GPHN: variants seen among roughly 807,000 people sequenced by gnomAD.
GPHN encodes gephyrin.
A neutral mutation model predicts 95.5 loss-of-function variants in GPHN; 17 were observed. That is an observed-to-expected ratio of 0.18 (90% CI 0.12 to 0.27). The LOEUF is 0.27. GPHN is among the 10% of genes least tolerant of loss of function. The probability of loss-of-function intolerance (pLI) is 1.00; values close to 1 mark genes in which losing one functional copy is unlikely to be tolerated. For missense variants in GPHN, 660 were observed against 978.1 expected, an observed-to-expected ratio of 0.67 and a Z score of 4.34; for synonymous variants, 320 against 322.5, an observed-to-expected ratio of 0.99 and a Z score of 0.08.
chr14:66,687,260 C>T (rs1402222900), intron 2 of GPHN, among the ~76,000 whole-genome samples: 2 of 152,032 alleles, frequency 1.3e-5, no homozygotes, highest in African/African-American at 4.8e-5. Flanking sequence ...ACCAAGAAGA[C>T]CTAATAGACA....
At position 66,759,596 on chromosome 14, in the gene GPHN, TCTTTA is replaced by T. The variant is rs2058689254; in HGVS notation, c.144-16862_144-16858del. Reference sequence around the variant, plus strand: ...TCCATTTGCATAGTATTTCTCCAGCTCTTTACTTTAAGCCTGTTGGTGTAACGTGA... The same window carrying T: ...TCCATTTGCATAGTATTTCTCCAGCTCTTTAAGCCTGTTGGTGTAACGTGA... On this transcript the variant is annotated intron_variant, in intron 2 of 22. Transcript: ENST00000478722. Among the ~76,000 whole-genome samples, 4 of 152,358 alleles carry T rather than the reference TCTTTA, an allele frequency of 2.6e-5. No homozygotes were observed. In the South Asian group the frequency reaches 8.3e-4, roughly 32 times the overall value.
chr14:67,340,726 C>G, the GPHN span, among the ~76,000 whole-genome samples: 1 of 152,180 alleles, frequency 6.6e-6, no homozygotes, highest in Non-Finnish European at 1.5e-5. Context: ...GATGCCGAGC[C>G]GAAGCTGGAC....
intron 17 of GPHN, among the ~76,000 whole-genome samples, chr14:67,139,844 T>C (rs892751031): frequency 2.0e-5 from 3 of 152,060 alleles, no homozygotes; most frequent in Non-Finnish European, 2.9e-5. Context: ...CCCAAATAAC[T>C]GGCCCAGCAG....
At chr14:67,618,060 A>G in the GPHN span, among the ~76,000 whole-genome samples, 13 of 152,244 alleles carry the variant, frequency 8.5e-5, no homozygotes, top group Non-Finnish European at 1.9e-4. Context: ...GCCCTGAGGC[A>G]ACCTGTGCCA....
At chr14:67,245,581 G>A in the GPHN span, among the ~76,000 whole-genome samples, 7 of 151,812 alleles carry the variant, frequency 4.6e-5, no homozygotes, top group Non-Finnish European at 7.4e-5. Flanking sequence ...AGAACTCCTG[G>A]GCTCAAGTGA....
At chr14:67,109,037 A>G (rs1163348643) in intron 13 of GPHN, among the ~76,000 whole-genome samples, 3 of 152,194 alleles carry the variant, frequency 2.0e-5, no homozygotes, top group African/African-American at 7.2e-5. Context: ...CCTAGCCTAC[A>G]TGGTGTGACC....
At chr14:66,540,385 A>G (rs928370451) in intron 1 of GPHN, among the ~76,000 whole-genome samples, 21 of 152,226 alleles carry the variant, frequency 1.4e-4, no homozygotes, top group African/African-American at 4.8e-4. Context: ...TGTCAGTTAC[A>G]TAGGAACAGG....
intron 17 of GPHN, among the ~76,000 whole-genome samples, chr14:67,124,117 G>C (rs1567366824): frequency 6.6e-6 from 1 of 152,072 alleles, no homozygotes; most frequent in Non-Finnish European, 1.5e-5. Flanking sequence ...TAGCTCTAAA[G>C]AAGTTTGGCC....
At chr14:67,640,171 C>T in the GPHN span, among the ~76,000 whole-genome samples, 7 of 152,048 alleles carry the variant, frequency 4.6e-5, no homozygotes, top group South Asian at 1.5e-3. Flanking sequence ...TATCTTGGTT[C>T]ACAATGTCTT....
chr14:67,360,332 G>A, the GPHN span: 3 of 397,832 alleles, frequency 7.5e-6, no homozygotes, highest in Non-Finnish European at 1.3e-5. Flanking sequence ...TTCCGCATGC[G>A]CGGTGGAGTG....
chr14:66,979,480 G>T (rs1025228531), intron 9 of GPHN, among the ~76,000 whole-genome samples: 3 of 152,128 alleles, frequency 2.0e-5, no homozygotes, highest in Admixed American at 2.0e-4. Context: ...GCCAACCTCA[G>T]CTAGCTTTCA....
At chr14:66,882,265 C>T (rs2063966041) in intron 5 of GPHN, among the ~76,000 whole-genome samples, 1 of 151,722 alleles carries the variant, frequency 6.6e-6, no homozygotes, top group African/African-American at 2.4e-5. Flanking sequence ...AGTAAGTACT[C>T]AAAAAATGTA....
chr14:67,391,273 G>A, the GPHN span, among the ~76,000 whole-genome samples: 1 of 135,066 alleles, frequency 7.4e-6, no homozygotes, highest in Non-Finnish European at 1.6e-5. Flanking sequence ...CAGCTGATAT[G>A]TGTGTGTGTG....
the GPHN span, among the ~76,000 whole-genome samples, chr14:67,676,022 G>A: frequency 1.3e-5 from 2 of 152,208 alleles, no homozygotes; most frequent in East Asian, 1.9e-4. Context: ...GCCTGAACCC[G>A]GGAGGCAGTG....
chr14:66,768,970 A>G (rs1373181951), intron 2 of GPHN, among the ~76,000 whole-genome samples: 2 of 152,000 alleles, frequency 1.3e-5, no homozygotes, highest in Non-Finnish European at 2.9e-5. Context: ...AGAGAAGAAC[A>G]TTTTAGACAG....
At chr14:67,312,414 T>TTAAA in the GPHN span, 1 of 715,870 alleles carries the variant, frequency 1.4e-6, no homozygotes. Flanking sequence ...GCTGTCTCTA[T>TTAAA]TAAATTTTTT....
At position 66,975,027 on chromosome 14, in the gene GPHN, C is replaced by T. The variant is rs551706924; in HGVS notation, c.963+9702C>T. 1.6e-3 allele frequency among the ~76,000 whole-genome samples: 245 copies of T among 152,130 alleles called. 2 individuals are homozygous for T. Among genetic ancestry groups the T allele is most frequent in the African/African-American group, 5.8e-3 (242 of 41,534 alleles). ...AATATAAGTACTCATTAAACAGTAGCCATTATTATTAAATTGTCTATAGCT... is the reference window on the plus strand; with the variant it reads ...AATATAAGTACTCATTAAACAGTAGTCATTATTATTAAATTGTCTATAGCT... On this transcript the variant is annotated intron_variant, in intron 9 of 22. Transcript: ENST00000478722.
At chr14:67,424,047 G>C in the GPHN span, among the ~76,000 whole-genome samples, 2 of 152,272 alleles carry the variant, frequency 1.3e-5, no homozygotes, top group East Asian at 3.9e-4. Flanking sequence ...AGACCAGCCT[G>C]ACCAACATGG....
At chr14:66,633,626 G>T (rs1158721645) in intron 1 of GPHN, among the ~76,000 whole-genome samples, 2 of 151,906 alleles carry the variant, frequency 1.3e-5, no homozygotes, top group African/African-American at 2.4e-5. Flanking sequence ...ATTTTTTGCT[G>T]TTATTAATAG....
Sources: gnomAD v4.1 joint callset for allele counts (sites outside exome capture counted in the v4.1 genomes callset) on GRCh38, gnomAD v4.1.1 for gene constraint, MANE v1.5 for transcripts, NCBI Gene and HGNC (gene_info 2026-07-23, HGNC 2026-07-21) for gene names.